The following KLRB1 variants were observed in gnomAD, a reference collection of about 807,000 sequenced individuals.
The protein encoded by KLRB1 is killer cell lectin like receptor B1.
In KLRB1, 27 loss-of-function variants were observed where a neutral mutation model predicts 33.5. The ratio of observed to expected loss-of-function variants is 0.81; its 90% CI spans 0.59 to 1.11. The LOEUF is 1.11. KLRB1 is among the 50% of genes most tolerant of loss of function. KLRB1 has a pLI of 0.00. For missense variants in KLRB1, 241 were observed against 254.1 expected (o/e 0.95, Z 0.35); for synonymous variants, 64 against 88.9 (o/e 0.72, Z 1.58).
At chr12:9,601,621 C>T (rs1864543792) in intron 1 of KLRB1, 22 bp from the exon 2 acceptor site, 3 of 1,350,028 alleles carry the variant, frequency 2.2e-6, no homozygotes, top group East Asian at 2.5e-5. Context: ...AAAAGAAAAA[C>T]ACAAAAACAA....
intron 1 of KLRB1, 77 bp from the exon 2 acceptor site, chr12:9,601,676 A>C: frequency 1.1e-6 from 1 of 919,904 alleles, no homozygotes; most frequent in Non-Finnish European, 1.7e-6. Context: ...AGTGGAGTAC[A>C]TCTGGCACAA....
chr12:9,607,655 C>A, intron 1 of KLRB1, 100 bp downstream of exon 1: 1 of 800,580 alleles, frequency 1.2e-6, no homozygotes, highest in South Asian at 1.6e-5. Context: ...TATAAAACTA[C>A]TGCTCATCTT....
At position 9,599,806 on chromosome 12, in the gene KLRB1, A is replaced by G. The variant is rs372327595; in HGVS notation, c.220T>C (p.Cys74Arg). 4 of 1,605,766 alleles carry G rather than the reference A, an allele frequency of 2.5e-6. No homozygotes were observed. The African/African-American group carries it at 5.4e-5, about 21-fold the overall frequency. ...CTGCTCTGTTGAATGTCCACACTGCATTTTTCTATTGATGATTTCTGTATT... is the reference window on the plus strand; with the variant it reads ...CTGCTCTGTTGAATGTCCACACTGCGTTTTTCTATTGATGATTTCTGTATT... ...SLIQKSSIEK[C>R]SVDIQQSRNK... is the part of the protein sequence containing the mutation. Residue 74 changes from cysteine (C) to arginine (R), a missense_variant, in exon 3 of 6, where the codon TGC (cysteine) becomes CGC (arginine). Transcript: ENST00000229402.
chr12:9,602,848 G>A (rs766970856), intron 1 of KLRB1, among the ~76,000 whole-genome samples: 16 of 152,066 alleles, frequency 1.1e-4, no homozygotes, highest in East Asian at 5.8e-4. Flanking sequence ...GTTTCAGAAC[G>A]GCCATGAAGC....
Position 9,607,344 on chromosome 12 carries a change from CTT to C in KLRB1, c.85+409_85+410del, listed in dbSNP as rs781444479. On this transcript the variant is annotated intron_variant, in intron 1 of 5. Transcript: ENST00000229402. ...TTCTTTCTCTTTCTTTCCTTTCTTTCTTTCTTTCTTCCTTTCTTTCTTTCTTT... is the reference window on the plus strand; with the variant it reads ...TTCTTTCTCTTTCTTTCCTTTCTTTCTCTTTCTTCCTTTCTTTCTTTCTTT... 1.5e-3 allele frequency among the ~76,000 whole-genome samples: 65 copies of C among 42,448 alleles called. 1 individual carries two copies. Among genetic ancestry groups the C allele is most frequent in the African/African-American group, 3.5e-3 (57 of 16,224 alleles). The allele number at this position is 42,448 out of a possible 152,430, so 27.8% of individuals were successfully genotyped here. A position where few individuals can be genotyped will look rare whatever the true frequency, so the allele number is the denominator to read the frequency against.
At position 9,607,819 on chromosome 12, in the gene KLRB1, A is replaced by G. The variant is rs375339427; in HGVS notation, c.21T>C (p.Tyr7=). The G allele has an allele frequency of 7.1e-5, 115 of 1,613,436 alleles. 2 individuals are homozygous for G. Among genetic ancestry groups the G allele is most frequent in the South Asian group, 3.7e-4 (34 of 91,040 alleles). The change falls in exon 1 of 6, where the codon TAT becomes TAC. Residue 7 remains tyrosine, a synonymous_variant. Transcript: ENST00000229402. MDQQAI[Y]AELNLPTDSG... ...AGTCTGTGGGTAAGTTTAACTCAGC[A>G]TATATTGCTTGTTGGTCCATGGCAG...
intron 1 of KLRB1, among the ~76,000 whole-genome samples, chr12:9,602,305 A>C (rs768612586): frequency 2.3e-4 from 35 of 152,328 alleles, no homozygotes; most frequent in African/African-American, 8.4e-4. Flanking sequence ...TATATAATGA[A>C]TCTCCCATGT....
rs757316473 is a variant in KLRB1, at chr12:9,598,272, A to C, written c.415-111T>G. ...CTGAAGTCTTTCCTAACTCGTCGTC[A>C]GCATTAATTATTCCTTCTTTGTGAT... On this transcript the variant is annotated intron_variant, in intron 4 of 5. Transcript: ENST00000229402. The C allele has an allele frequency of 1.8e-4, 138 of 775,604 alleles. 4 individuals are homozygous for C. Among genetic ancestry groups the C allele is most frequent in the South Asian group, 1.5e-3 (93 of 62,422 alleles). The allele number at this position is 775,604 out of a possible 1,614,324, so 48.0% of individuals were successfully genotyped here.
At chr12:9,606,756 A>ATTTTTT (rs1188705968) in intron 1 of KLRB1, among the ~76,000 whole-genome samples, 32 of 31,528 alleles carry the variant, frequency 1.0e-3, no homozygotes, top group Admixed American at 2.0e-3. Flanking sequence ...ATATATATAT[A>ATTTTTT]TATATTTTTT....
Position 9,598,035 on chromosome 12 carries a change from C to T in KLRB1, c.530+11G>A. On this transcript the variant is annotated intron_variant, in intron 5 of 5. Coordinates refer to ENST00000229402, the MANE Select transcript of KLRB1 (RefSeq NM_002258.3). Reference sequence around the variant, plus strand: ...AAATTGAATATTAAAGTTAGCTCATCTAATACTCACTCATTAGAATTTAAA... The same window carrying T: ...AAATTGAATATTAAAGTTAGCTCATTTAATACTCACTCATTAGAATTTAAA... 1 of 1,200,462 alleles carries T rather than the reference C, an allele frequency of 8.3e-7. No homozygotes were observed. The highest frequency in any genetic ancestry group is 1.2e-6 in the Non-Finnish European group (1 of 819,258). 74.4% of individuals were successfully genotyped at this position (1,200,462 alleles called of 1,614,324 possible).
rs1034055624 is a variant in KLRB1, at chr12:9,598,088, T to A, written c.488A>T (p.Lys163Met). 1.9e-6 allele frequency: 3 copies of A among 1,595,466 alleles called. No homozygotes were observed. Among genetic ancestry groups the A allele is most frequent in the Non-Finnish European group, 2.6e-6 (3 of 1,171,890 alleles). The change falls in exon 5 of 6, where the codon AAG (lysine) becomes ATG (methionine). Residue 163 changes from lysine to methionine, a missense_variant. Coordinates refer to ENST00000229402, the MANE Select transcript of KLRB1 (RefSeq NM_002258.3). ...WIGLNFSLSEKNWKWINGSFL... is the reference protein window; with the variant it reads ...WIGLNFSLSEMNWKWINGSFL... The stretch of plus-strand genomic sequence containing the variant: ...AGAGCCGTTTATCCACTTCCAGTTC[T>A]TTTCTGATAATGAAAAATTTAATCC...
In KLRB1 at chr12:9,598,211, G is replaced by C. The variant is rs1478082492; in HGVS notation, c.415-50C>G. The C allele has an allele frequency of 2.4e-6, 3 of 1,233,966 alleles. No homozygotes were observed. In the African/African-American group the frequency reaches 4.5e-5, roughly 18 times the overall value. The allele number at this position is 1,233,966 out of a possible 1,614,324, so 76.4% of individuals were successfully genotyped here. A position where few individuals can be genotyped will look rare whatever the true frequency, so the allele number is the denominator to read the frequency against. On this transcript the variant is annotated intron_variant, in intron 4 of 5. Transcript: ENST00000229402. ...GAATCTGCTTATCTATTCCTGGTTT[G>C]ATCCCCTAAAACCTAGTTCAAGCAT...
chr12:9,599,766 C>T lies in KLRB1; in HGVS notation c.259+1G>A. The T allele has an allele frequency of 1.9e-6, 3 of 1,578,824 alleles. No homozygotes were observed. The highest frequency in any genetic ancestry group is 2.6e-6 in the Non-Finnish European group (3 of 1,148,308). Reference sequence around the variant, plus strand: ...TTAGGAAATTGAAGCCACACAATTACCTGTTGTTTTATTCCTGCTCTGTTG... The same window carrying T: ...TTAGGAAATTGAAGCCACACAATTATCTGTTGTTTTATTCCTGCTCTGTTG... On this transcript the variant is annotated splice_donor_variant, in intron 3 of 5. Coordinates refer to ENST00000229402, the MANE Select transcript of KLRB1 (RefSeq NM_002258.3). LOFTEE classifies it high-confidence loss of function.
intron 3 of KLRB1, among the ~76,000 whole-genome samples, chr12:9,598,935 C>T (rs1055399610): frequency 3.3e-5 from 5 of 152,166 alleles, no homozygotes; most frequent in African/African-American, 1.2e-4. Flanking sequence ...CCACATCTTA[C>T]ATTTTAAGAC....
Position 9,607,850 on chromosome 12 carries a change from G to T in KLRB1, c.-11C>A. On this transcript the variant is annotated 5_prime_UTR_variant, in exon 1 of 6. Transcript: ENST00000229402. Reference sequence around the variant, plus strand: ...TGCTTGTTGGTCCATGGCAGACAGAGGAAGGTGGCATTAAACTTGTGTGTA... The same window carrying T: ...TGCTTGTTGGTCCATGGCAGACAGATGAAGGTGGCATTAAACTTGTGTGTA... 2 of 1,595,536 alleles carry T rather than the reference G, an allele frequency of 1.3e-6. No homozygotes were observed. Among genetic ancestry groups the T allele is most frequent in the Non-Finnish European group, 1.7e-6 (2 of 1,163,636 alleles).
intron 1 of KLRB1, among the ~76,000 whole-genome samples, chr12:9,602,207 A>G (rs770735880): frequency 6.6e-6 from 1 of 152,346 alleles, no homozygotes; most frequent in African/African-American, 2.4e-5. Flanking sequence ...TCACTAGTAT[A>G]ACATAACATG....
Position 9,595,261 on chromosome 12 carries a change from A to G in KLRB1, c.*13T>C. On this transcript the variant is annotated 3_prime_UTR_variant, in exon 6 of 6. Coordinates refer to ENST00000229402, the MANE Select transcript of KLRB1 (RefSeq NM_002258.3). ...AGTAATGGGAAGCAAATAAATTGAG[A>G]TGGGATTCATAGTCAAGAGTCAGGA... is the stretch of plus-strand genomic sequence containing the variant. 5 of 1,611,560 alleles carry G rather than the reference A, an allele frequency of 3.1e-6. No individual in the cohort carries two copies. The highest frequency in any genetic ancestry group is 4.2e-6 in the Non-Finnish European group (5 of 1,178,002).
At chr12:9,607,331 C>CT (rs1340318886) in intron 1 of KLRB1, among the ~76,000 whole-genome samples, 527 of 42,788 alleles carry the variant, frequency 0.012, 18 homozygotes, top group African/African-American at 0.028. Context: ...CTTTCTCTTT[C>CT]TTTCCTTTCT....
At position 9,594,870 on chromosome 12, in the gene KLRB1, T is replaced by C. The variant is rs2058429; in HGVS notation, c.*404A>G. The stretch of plus-strand genomic sequence containing the variant: ...GCGATAAGAGCTATTTTCTTGCCCT[T>C]GTATGACTCGGATAGCCCTCCCAGA... On this transcript the variant is annotated 3_prime_UTR_variant, in exon 6 of 6. Coordinates refer to ENST00000229402, the MANE Select transcript of KLRB1 (RefSeq NM_002258.3). 0.73 allele frequency: 118,065 copies of C among 161,750 alleles called. 48,321 individuals carry two copies. The highest frequency in any genetic ancestry group is 0.99 in the East Asian group (5,580 of 5,638). The allele number at this position is 161,750 out of a possible 1,614,324, so 10.0% of individuals were successfully genotyped here.
Sources: gnomAD v4.1 joint callset for allele counts (sites outside exome capture counted in the v4.1 genomes callset) on GRCh38, gnomAD v4.1.1 for gene constraint, MANE v1.5 for transcripts, NCBI Gene and HGNC (gene_info 2026-07-23, HGNC 2026-07-21) for gene names.